Variants in FAM222A observed in about 807,000 individuals in gnomAD.
FAM222A encodes the protein family with sequence similarity 222 member A.
In FAM222A, 7 loss-of-function variants were observed where a neutral mutation model predicts 25.8. That is an observed-to-expected ratio of 0.27 (90% CI 0.15 to 0.51). The LOEUF (loss-of-function observed/expected upper bound fraction) is 0.51, where lower values mean the gene tolerates loss of function less well. FAM222A is among the 20% of genes least tolerant of loss of function. FAM222A has a pLI of 0.97. For synonymous variants in FAM222A, 294 were observed against 298.8 expected (o/e 0.98, Z 0.17); for missense variants, 573 against 640.5 (o/e 0.89, Z 1.14).
intron 1 of FAM222A, among the ~76,000 whole-genome samples, chr12:109,721,641 CA>C (rs1220140317): frequency 3.3e-5 from 5 of 152,100 alleles, no homozygotes; most frequent in African/African-American, 4.8e-5. Flanking sequence ...CTCAGAGGAC[CA>C]GGGGGGACAG....
chr12:109,754,362 T>C (rs7958396), intron 2 of FAM222A, among the ~76,000 whole-genome samples: 31,991 of 151,922 alleles, frequency 0.21, 3,622 homozygotes, highest in Middle Eastern at 0.26. Flanking sequence ...ATTGAGACCC[T>C]GTCTCTAAAA....
chr12:109,743,058 T>C (rs924422073), intron 1 of FAM222A, among the ~76,000 whole-genome samples: 1 of 152,180 alleles, frequency 6.6e-6, no homozygotes, highest in African/African-American at 2.4e-5. Flanking sequence ...TGCTCAGGAC[T>C]GTGGGAGGTC....
chr12:109,728,575 CCTCTGTGCCTTT>C (rs1275570502), intron 1 of FAM222A, among the ~76,000 whole-genome samples: 5 of 152,230 alleles, frequency 3.3e-5, no homozygotes, highest in African/African-American at 1.2e-4. Flanking sequence ...GCCGTACCTT[CCTCTGTGCCTTT>C]GCTCAGACTG....
At chr12:109,738,405 A>G (rs1320871886) in intron 1 of FAM222A, among the ~76,000 whole-genome samples, 1 of 152,056 alleles carries the variant, frequency 6.6e-6, no homozygotes, top group Non-Finnish European at 1.5e-5. Context: ...GCCTCTCACC[A>G]CCATTTCAGG....
chr12:109,757,990 A>G (rs1244590398), intron 2 of FAM222A, among the ~76,000 whole-genome samples: 2 of 152,204 alleles, frequency 1.3e-5, no homozygotes, highest in Non-Finnish European at 2.9e-5. Context: ...GGAGTGGGCA[A>G]GGGAAACTGA....
At chr12:109,753,162 G>A (rs1423349050) in intron 2 of FAM222A, among the ~76,000 whole-genome samples, 4 of 152,200 alleles carry the variant, frequency 2.6e-5, no homozygotes, top group East Asian at 1.9e-4. Flanking sequence ...GGCCTGTGGC[G>A]AGGTGGGGTT....
At chr12:109,734,415 C>G (rs998007638) in intron 1 of FAM222A, 1 of 151,844 alleles carries the variant, frequency 6.6e-6, no homozygotes, top group Non-Finnish European at 1.5e-5. Context: ...GATCCGGCTC[C>G]GCAGAAAGCT....
At position 109,714,476 on chromosome 12, in the gene FAM222A, G is replaced by C. The variant is rs981869792; in HGVS notation, c.-468G>C. On this transcript the variant is annotated 5_prime_UTR_variant, in exon 1 of 3. Transcript: ENST00000538780. This position sits in a 1 kb window ranked among gnomAD's most constrained non-coding sequence, Gnocchi z 4.2. ...AAGCAACAAAGACAGGCTGCAGCTGGGGCTGGCGAAAGGGGCCGCGGCCGC... is the reference window on the plus strand; with the variant it reads ...AAGCAACAAAGACAGGCTGCAGCTGCGGCTGGCGAAAGGGGCCGCGGCCGC... The C allele has an allele frequency of 6.6e-6, 1 of 152,128 alleles. No individual in the cohort carries two copies. Among genetic ancestry groups the C allele is most frequent in the Non-Finnish European group, 1.5e-5 (1 of 68,068 alleles). The allele number at this position is 152,128 out of a possible 1,614,324, so 9.4% of individuals were successfully genotyped here.
At chr12:109,744,568 A>T in intron 2 of FAM222A, 1 of 985,356 alleles carries the variant, frequency 1.0e-6, no homozygotes, top group Non-Finnish European at 1.2e-6. Context: ...TTAAAGTAGG[A>T]TGACGTGGAA....
At chr12:109,749,236 A>G (rs1425976867) in intron 2 of FAM222A, among the ~76,000 whole-genome samples, 2 of 152,102 alleles carry the variant, frequency 1.3e-5, no homozygotes, top group South Asian at 2.1e-4. Context: ...CCTCCTGAGT[A>G]GCTGGGATTA....
At position 109,724,489 on chromosome 12, in the gene FAM222A, C is replaced by T. The variant is rs1319866451; in HGVS notation, c.-47+9592C>T. 7.9e-5 allele frequency among the ~76,000 whole-genome samples: 12 copies of T among 152,304 alleles called. No homozygotes were observed. In the South Asian group the frequency reaches 2.3e-3, roughly 29 times the overall value. On this transcript the variant is annotated intron_variant, in intron 1 of 2. Transcript: ENST00000538780. Reference sequence around the variant, plus strand: ...GCCCTGGTGCCCAGCCTGGCTCTGCCGATGAATGCCACCCAAGATGTAAAG... The same window carrying T: ...GCCCTGGTGCCCAGCCTGGCTCTGCTGATGAATGCCACCCAAGATGTAAAG...
intron 1 of FAM222A, among the ~76,000 whole-genome samples, chr12:109,743,415 GGCACAGAT>G (rs1888299527): frequency 3.3e-5 from 5 of 152,348 alleles, no homozygotes; most frequent in African/African-American, 4.8e-5. Flanking sequence ...TGCCCTGCGG[GGCACAGAT>G]CTCTGCCCTT....
intron 2 of FAM222A, among the ~76,000 whole-genome samples, chr12:109,765,503 G>A (rs893598432): frequency 1.3e-5 from 2 of 152,172 alleles, no homozygotes; most frequent in African/African-American, 4.8e-5. Context: ...TCTGCCTCAG[G>A]GCCTTTGCCT....
At chr12:109,759,715 G>A (rs1888836644) in intron 2 of FAM222A, among the ~76,000 whole-genome samples, 1 of 152,288 alleles carries the variant, frequency 6.6e-6, no homozygotes, top group African/African-American at 2.4e-5. Context: ...ACACAGTGGG[G>A]AGCACCCTGG....
chr12:109,748,936 A>T (rs1009575564), intron 2 of FAM222A, among the ~76,000 whole-genome samples: 2 of 152,068 alleles, frequency 1.3e-5, no homozygotes, highest in African/African-American at 2.4e-5. Flanking sequence ...TTTTACATTA[A>T]TCTTTTTTTA....
At chr12:109,735,393 C>A (rs991402511) in intron 1 of FAM222A, among the ~76,000 whole-genome samples, 2 of 152,176 alleles carry the variant, frequency 1.3e-5, no homozygotes, top group African/African-American at 4.8e-5. Context: ...GCGTGGGTTA[C>A]GTGAGGTGAC....
At chr12:109,740,164 A>G (rs1888199519) in intron 1 of FAM222A, among the ~76,000 whole-genome samples, 1 of 152,198 alleles carries the variant, frequency 6.6e-6, no homozygotes, top group Non-Finnish European at 1.5e-5. Context: ...TCGGACCTGA[A>G]AAGTTCCTTC....
chr12:109,731,162 C>G (rs1475093563), intron 1 of FAM222A, among the ~76,000 whole-genome samples: 1 of 152,110 alleles, frequency 6.6e-6, no homozygotes, highest in African/African-American at 2.4e-5. Context: ...TTCGTCCTTC[C>G]TAGACACTGT....
intron 1 of FAM222A, among the ~76,000 whole-genome samples, chr12:109,718,523 C>T (rs1276837808): frequency 1.3e-5 from 2 of 151,710 alleles, no homozygotes; most frequent in Admixed American, 1.3e-4. Context: ...CGAGGAGGCG[C>T]GCACAAAAGG....
Sources: gnomAD v4.1 joint callset for allele counts (sites outside exome capture counted in the v4.1 genomes callset) on GRCh38, gnomAD v4.1.1 for gene constraint, Gnocchi (gnomAD v3.1) non-coding constraint, MANE v1.5 for transcripts, NCBI Gene and HGNC (gene_info 2026-07-23, HGNC 2026-07-21) for gene names.